The following RALGAPA1 variants were observed in gnomAD, a reference collection of about 807,000 sequenced individuals.
RALGAPA1 encodes the protein Ral GTPase activating protein catalytic subunit alpha 1, also known as ral GTPase-activating protein subunit alpha-1.
RALGAPA1 carries 52 observed loss-of-function variants against 269.6 expected under a neutral mutation model. The ratio of observed to expected loss-of-function variants is 0.19; its 90% CI spans 0.15 to 0.24. The LOEUF is 0.24. RALGAPA1 is among the 10% of genes least tolerant of loss of function. RALGAPA1 has a pLI of 1.00. For missense variants in RALGAPA1, 1,917 were observed against 3,013.9 expected (o/e 0.64, Z 8.52); for synonymous variants, 817 against 1,008.3 (o/e 0.81, Z 3.60).
intron 37 of RALGAPA1, among the ~76,000 whole-genome samples, chr14:35,588,061 C>A (rs2058415110): frequency 6.6e-6 from 1 of 152,158 alleles, no homozygotes; most frequent in African/African-American, 2.4e-5. Flanking sequence ...CACGTGCCAC[C>A]ACGCCCAGCT....
intron 17 of RALGAPA1, among the ~76,000 whole-genome samples, chr14:35,699,077 T>C (rs2140582010): frequency 6.6e-6 from 1 of 152,308 alleles, no homozygotes; most frequent in East Asian, 1.9e-4. Flanking sequence ...TTACTGGATA[T>C]TAAGGTTTGA....
Position 35,775,622 on chromosome 14 carries a change from G to T in RALGAPA1, c.217+13C>A, listed in dbSNP as rs2074961639. 1 of 1,563,934 alleles carries T rather than the reference G, an allele frequency of 6.4e-7. No individual in the cohort carries two copies. The highest frequency in any genetic ancestry group is 2.1e-5 in the Admixed American group (1 of 48,226). On this transcript the variant is annotated intron_variant, in intron 2 of 41. Coordinates refer to ENST00000680220, the MANE Select transcript of RALGAPA1 (RefSeq NM_001346249.2). The stretch of plus-strand genomic sequence containing the variant: ...AATATTAACATACGCCAAGATATAT[G>T]TTAGCATCTTACCTTTCTGTTTAAG...
chr14:35,620,366 T>C (rs1290871691), intron 35 of RALGAPA1, among the ~76,000 whole-genome samples: 1 of 152,036 alleles, frequency 6.6e-6, no homozygotes, highest in Non-Finnish European at 1.5e-5. Flanking sequence ...TATCTCAAAA[T>C]AACTAGAGCT....
chr14:35,801,325 G>A (rs746975852), intron 1 of RALGAPA1, among the ~76,000 whole-genome samples: 11 of 151,754 alleles, frequency 7.2e-5, no homozygotes, highest in Non-Finnish European at 1.3e-4. Context: ...CTGGAGTACA[G>A]TGGCATAATC....
chr14:35,808,654 G>A (rs976479850), intron 1 of RALGAPA1, 76 bp downstream of exon 1: 11 of 1,491,540 alleles, frequency 7.4e-6, no homozygotes, highest in Non-Finnish European at 9.1e-6. Flanking sequence ...GGTCCCGAGA[G>A]AGAGTCCGCA....
intron 35 of RALGAPA1, among the ~76,000 whole-genome samples, chr14:35,612,918 A>G (rs1185476628): frequency 6.6e-6 from 1 of 152,070 alleles, no homozygotes; most frequent in African/African-American, 2.4e-5. Context: ...TCAAAATTAA[A>G]TTTTTTGTGC....
intron 12 of RALGAPA1, among the ~76,000 whole-genome samples, chr14:35,730,377 G>T (rs1315239629): frequency 6.6e-6 from 1 of 152,176 alleles, no homozygotes; most frequent in East Asian, 1.9e-4. Context: ...CAGGCAAGAA[G>T]CCTCCTGGCC....
chr14:35,580,731 C>A (rs386472342), intron 37 of RALGAPA1, among the ~76,000 whole-genome samples: 505 of 152,160 alleles, frequency 3.3e-3, no homozygotes, highest in Non-Finnish European at 6.2e-3. Flanking sequence ...AAAATCAGAA[C>A]TAAAATTAGT....
chr14:35,544,599 G>A (rs2054290300), intron 41 of RALGAPA1, among the ~76,000 whole-genome samples: 1 of 152,138 alleles, frequency 6.6e-6, no homozygotes, highest in Admixed American at 6.6e-5. Flanking sequence ...ATCACAAAAG[G>A]TTAGTGGGTC....
intron 35 of RALGAPA1, among the ~76,000 whole-genome samples, chr14:35,622,082 C>T (rs1476087052): frequency 6.6e-6 from 1 of 152,174 alleles, no homozygotes; most frequent in Non-Finnish European, 1.5e-5. Context: ...TACTGCGGCA[C>T]TATTCACAAT....
chr14:35,718,294 T>C (rs1334631373), intron 16 of RALGAPA1, among the ~76,000 whole-genome samples: 6 of 152,232 alleles, frequency 3.9e-5, no homozygotes, highest in African/African-American at 1.4e-4. Flanking sequence ...TAGTGAGTAC[T>C]TAAAGGAATT....
Position 35,752,130 on chromosome 14 carries a change from G to A in RALGAPA1, c.696C>T (p.Asn232=), listed in dbSNP as rs1282171458. The change falls in exon 8 of 42, where the codon AAC becomes AAT. Residue 232 remains asparagine (N), a synonymous_variant. Coordinates refer to ENST00000680220, the MANE Select transcript of RALGAPA1 (RefSeq NM_001346249.2). ...VKSLEWKNKE[N]QERGFSFLFS... is the part of the protein sequence containing the mutation. ...ACAAAAATGAAAATCCCCTTTCTTGGTTTTCTTTGTTCTTCCATTCTAAAC... is the reference window on the plus strand; with the variant it reads ...ACAAAAATGAAAATCCCCTTTCTTGATTTTCTTTGTTCTTCCATTCTAAAC... 6.3e-7 allele frequency: 1 copy of A among 1,577,850 alleles called. No individual in the cohort carries two copies. Among genetic ancestry groups the A allele is most frequent in the African/African-American group, 1.4e-5 (1 of 73,128 alleles).
chr14:35,715,846 A>G (rs543966994), intron 16 of RALGAPA1: 1 of 985,376 alleles, frequency 1.0e-6, no homozygotes, highest in East Asian at 1.1e-4. Flanking sequence ...AGATCATCCC[A>G]CTTTTCCAGT....
chr14:35,791,271 G>T (rs1226351408), intron 1 of RALGAPA1, among the ~76,000 whole-genome samples: 1 of 152,182 alleles, frequency 6.6e-6, no homozygotes, highest in African/African-American at 2.4e-5. Flanking sequence ...AGGAGAATTA[G>T]AATTCAGATA....
intron 7 of RALGAPA1, 56 bp from the exon 8 acceptor site, chr14:35,752,218 A>G: frequency 7.1e-7 from 1 of 1,415,874 alleles, no homozygotes; most frequent in East Asian, 2.5e-5. Flanking sequence ...TCTTAAATGC[A>G]AGTATTAGCA....
chr14:35,742,485 T>C lies in RALGAPA1; in HGVS notation c.1332A>G (p.Glu444=). Residue 444 remains glutamate (E), a synonymous_variant, in exon 11 of 42, where the codon GAA becomes GAG. Coordinates refer to ENST00000680220, the MANE Select transcript of RALGAPA1 (RefSeq NM_001346249.2). ...CAGGCTCTTGCATGAACAAAGGTTT[T>C]TCCTCTTGTTGGATCCATTCTTGAT... ...KVYQEWIQQE[E]KPLFMQEPEE... is the part of the protein sequence containing the mutation. 1.3e-6 allele frequency: 2 copies of C among 1,599,752 alleles called. No homozygotes were observed. The highest frequency in any genetic ancestry group is 1.7e-6 in the Non-Finnish European group (2 of 1,167,412).
rs2039009631 is a variant in RALGAPA1 at position 35,655,898 on chromosome 14, C to T, written c.5405G>A (p.Ser1802Asn). 6.2e-7 allele frequency: 1 copy of T among 1,613,226 alleles called. No individual in the cohort carries two copies. Among genetic ancestry groups the T allele is most frequent in the Admixed American group, 1.7e-5 (1 of 59,934 alleles). The change falls in exon 29 of 42, where the codon AGT becomes AAT. Residue 1802 changes from serine to asparagine, a missense_variant. Physicochemically the swap from Ser to Asn is conservative, Grantham distance 46. Around this residue, in one of 11 missense-constraint regions of RALGAPA1, gnomAD observed 346 missense variants for 566.1 expected, o/e 0.61. Coordinates refer to ENST00000680220, the MANE Select transcript of RALGAPA1 (RefSeq NM_001346249.2). The stretch of plus-strand genomic sequence containing the variant: ...TTCTTCACAAATCCAAATACCTAAA[C>T]TACAAAGTGCTACACATCTGCAAAA... ...SGPARCVALC[S>N]LGIWICEELV...
chr14:35,756,172 C>T (rs1459038579), intron 7 of RALGAPA1, among the ~76,000 whole-genome samples: 1 of 152,208 alleles, frequency 6.6e-6, no homozygotes, highest in Non-Finnish European at 1.5e-5. Context: ...GCACAACTGT[C>T]TCACATAAGA....
intron 26 of RALGAPA1, among the ~76,000 whole-genome samples, chr14:35,669,208 A>C (rs906981187): frequency 1.3e-5 from 2 of 152,220 alleles, no homozygotes; most frequent in Non-Finnish European, 2.9e-5. Context: ...ATAGTGTTCC[A>C]ACCATGTTAC....
Sources: allele counts gnomAD v4.1 joint callset (sites outside exome capture counted in the v4.1 genomes callset), GRCh38; gene constraint gnomAD v4.1.1; regional missense constraint gnomAD v4.1.1; transcripts MANE v1.5; gene names NCBI Gene and HGNC (gene_info 2026-07-23, HGNC 2026-07-21).